Variants in LYPD6B observed in about 807,000 individuals in gnomAD.
LYPD6B encodes ly6/PLAUR domain-containing protein 6B.
LYPD6B carries 17 observed loss-of-function variants against 22.8 expected under a neutral mutation model. The ratio of observed to expected loss-of-function variants is 0.75; its 90% CI spans 0.51 to 1.12. The LOEUF is 1.12. LYPD6B is among the 50% of genes most tolerant of loss of function. The pLI is 0.00. For synonymous variants in LYPD6B, 106 were observed against 91.6 expected, an observed-to-expected ratio of 1.16 and a Z score of -0.90; for missense variants, 221 against 258.3, an observed-to-expected ratio of 0.86 and a Z score of 0.99.
At chr2:149,208,257 T>C in intron 4 of LYPD6B, 57 bp from the exon 5 acceptor site, 1 of 1,237,612 alleles carries the variant, frequency 8.1e-7, no homozygotes, top group South Asian at 1.2e-5. Flanking sequence ...CCATGTTTGA[T>C]GTTCGAAATT....
At chr2:149,207,663 C>A (rs1353034409) in intron 4 of LYPD6B, among the ~76,000 whole-genome samples, 1 of 151,946 alleles carries the variant, frequency 6.6e-6, no homozygotes, top group Non-Finnish European at 1.5e-5. Flanking sequence ...ATATTCCTGG[C>A]CAAGGTCTAA....
intron 1 of LYPD6B, among the ~76,000 whole-genome samples, chr2:149,079,077 A>T (rs1229386950): frequency 1.6e-5 from 2 of 127,864 alleles, no homozygotes; most frequent in South Asian, 2.3e-4. Flanking sequence ...TATTCAAATT[A>T]AAAAAAAAAA....
chr2:149,171,309 T>C (rs1271824419), intron 3 of LYPD6B, among the ~76,000 whole-genome samples: 1 of 152,176 alleles, frequency 6.6e-6, no homozygotes, highest in East Asian at 1.9e-4. Context: ...GCCCTTCTCC[T>C]TGAGGCATTC....
At chr2:149,198,111 C>T (rs542698362) in intron 3 of LYPD6B, among the ~76,000 whole-genome samples, 23 of 151,736 alleles carry the variant, frequency 1.5e-4, no homozygotes, top group East Asian at 1.4e-3. Flanking sequence ...GGCATGACCT[C>T]GGCTCACTGC....
intron 1 of LYPD6B, among the ~76,000 whole-genome samples, chr2:149,073,841 G>A (rs548102572): frequency 2.6e-5 from 4 of 151,918 alleles, no homozygotes; most frequent in Non-Finnish European, 5.9e-5. Context: ...TGAGTTACAA[G>A]CAGAAGCTCA....
chr2:149,116,326 T>A (rs1687004193), intron 1 of LYPD6B, among the ~76,000 whole-genome samples: 1 of 152,220 alleles, frequency 6.6e-6, no homozygotes, highest in Non-Finnish European at 1.5e-5. Flanking sequence ...AGGCATCCAG[T>A]GAGCATCTTG....
chr2:149,131,826 T>C (rs1688049148), intron 2 of LYPD6B, among the ~76,000 whole-genome samples: 1 of 152,106 alleles, frequency 6.6e-6, no homozygotes, highest in South Asian at 2.1e-4. Flanking sequence ...AGCAAAGTCT[T>C]TGGGAGCTAA....
chr2:149,135,369 A>G (rs1559022652), intron 2 of LYPD6B, among the ~76,000 whole-genome samples: 1 of 152,012 alleles, frequency 6.6e-6, no homozygotes, highest in Non-Finnish European at 1.5e-5. Flanking sequence ...GGTTAAAAGG[A>G]TATTGTTTAA....
At chr2:149,206,629 A>C (rs532467742) in intron 4 of LYPD6B, among the ~76,000 whole-genome samples, 1 of 152,172 alleles carries the variant, frequency 6.6e-6, no homozygotes, top group Admixed American at 6.5e-5. Flanking sequence ...ATTCATGTTC[A>C]TTATAGAAAA....
At chr2:149,165,018 G>A (rs1690329986) in intron 3 of LYPD6B, among the ~76,000 whole-genome samples, 2 of 152,114 alleles carry the variant, frequency 1.3e-5, no homozygotes, top group Admixed American at 6.6e-5. Flanking sequence ...TCAGCTGGGT[G>A]GTTCTTCTGT....
chr2:149,092,871 T>C (rs1685722529), intron 1 of LYPD6B, among the ~76,000 whole-genome samples: 1 of 152,196 alleles, frequency 6.6e-6, no homozygotes, highest in Admixed American at 6.5e-5. Flanking sequence ...TTTTTATGTG[T>C]GAGAGAAATA....
intron 1 of LYPD6B, among the ~76,000 whole-genome samples, chr2:149,082,845 T>C (rs1342064313): frequency 6.6e-6 from 1 of 152,196 alleles, no homozygotes; most frequent in Admixed American, 6.5e-5. Flanking sequence ...CTGGAAAAGC[T>C]TGTCAGCGGA....
rs757907923 is a variant in LYPD6B, at chr2:149,205,237, T to C, written c.78-16T>C. ...AAAATATAAAGAAACTGAACCAGTG[T>C]GTCTTTTCACCATAGATATAAGAGT... On this transcript the variant is annotated splice_polypyrimidine_tract_variant and intron_variant, in intron 3 of 6. Coordinates refer to ENST00000409642, the MANE Select transcript of LYPD6B (RefSeq NM_177964.5). 53 of 1,592,676 alleles carry C rather than the reference T, an allele frequency of 3.3e-5. No homozygotes were observed. The Admixed American group carries it at 9.1e-4, about 27-fold the overall frequency.
chr2:149,143,615 C>T (rs142698555), intron 2 of LYPD6B, among the ~76,000 whole-genome samples: 6 of 151,948 alleles, frequency 3.9e-5, no homozygotes, highest in African/African-American at 1.4e-4. Context: ...CTCAGCAGAT[C>T]TCTCCTTCCA....
At chr2:149,130,478 A>G (rs1687957768) in intron 1 of LYPD6B, among the ~76,000 whole-genome samples, 1 of 152,134 alleles carries the variant, frequency 6.6e-6, no homozygotes, top group Non-Finnish European at 1.5e-5. Context: ...TCTGTTTTAT[A>G]CCTGGAGGTA....
At chr2:149,087,514 T>C (rs1228670744) in intron 1 of LYPD6B, among the ~76,000 whole-genome samples, 3 of 152,136 alleles carry the variant, frequency 2.0e-5, no homozygotes, top group Non-Finnish European at 2.9e-5. Flanking sequence ...TGCAGTGAGC[T>C]GTAATTATGT....
Position 149,214,728 on chromosome 2 carries a change from G to C in LYPD6B, c.*18G>C. 6.2e-7 allele frequency: 1 copy of C among 1,613,624 alleles called. No individual in the cohort carries two copies. Among genetic ancestry groups the C allele is most frequent in the Non-Finnish European group, 8.5e-7 (1 of 1,179,610 alleles). On this transcript the variant is annotated 3_prime_UTR_variant, in exon 7 of 7. Transcript: ENST00000409642. The stretch of plus-strand genomic sequence containing the variant: ...TGCTGTGATGCCACCATTCCTAGGA[G>C]AGGCAGAGACCAGCCTCTAAAGCAC...
chr2:149,135,498 TC>T (rs1182286979), intron 2 of LYPD6B, among the ~76,000 whole-genome samples: 5 of 151,678 alleles, frequency 3.3e-5, no homozygotes, highest in Admixed American at 3.3e-4. Flanking sequence ...GGCGGGTGGA[TC>T]ACCTGAGGTC....
chr2:149,194,969 G>T (rs1344426605), intron 3 of LYPD6B, among the ~76,000 whole-genome samples: 2 of 152,224 alleles, frequency 1.3e-5, no homozygotes, highest in Non-Finnish European at 2.9e-5. Context: ...CAGACCTTCA[G>T]TTGCTGAAAA....
Sources: gnomAD v4.1 joint callset for allele counts (sites outside exome capture counted in the v4.1 genomes callset) on GRCh38, gnomAD v4.1.1 for gene constraint, MANE v1.5 for transcripts, NCBI Gene and HGNC (gene_info 2026-07-23, HGNC 2026-07-21) for gene names.